Variants in HECTD2 observed in about 807,000 individuals in gnomAD.
HECTD2 encodes HECT domain E3 ubiquitin protein ligase 2, also known as probable E3 ubiquitin-protein ligase HECTD2.
In HECTD2, 35 loss-of-function variants were observed where a neutral mutation model predicts 103.2. The observed-to-expected ratio is 0.34, with a 90% CI of 0.26 to 0.45. HECTD2 has a LOEUF of 0.45. HECTD2 is among the 20% of genes least tolerant of loss of function. The pLI is 1.00. For missense variants in HECTD2, 596 were observed against 937.4 expected (o/e 0.64, Z 4.76); for synonymous variants, 281 against 329.9 (o/e 0.85, Z 1.61).
chr10:91,410,990 C>G (rs1214037191), intron 1 of HECTD2, among the ~76,000 whole-genome samples: 1 of 152,152 alleles, frequency 6.6e-6, no homozygotes, highest in Non-Finnish European at 1.5e-5. Flanking sequence ...GATTTTTGTC[C>G]TTTTCTTCGC....
At chr10:91,430,602 C>G (rs1378732947) in intron 2 of HECTD2, among the ~76,000 whole-genome samples, 3 of 152,132 alleles carry the variant, frequency 2.0e-5, no homozygotes, top group Non-Finnish European at 4.4e-5. Context: ...GTTAGCTCTT[C>G]TTGTTGAATT....
intron 5 of HECTD2, among the ~76,000 whole-genome samples, chr10:91,469,264 G>A (rs1231420107): frequency 6.6e-6 from 1 of 152,062 alleles, no homozygotes; most frequent in Non-Finnish European, 1.5e-5. Flanking sequence ...GAGAACCCCT[G>A]CAATATGCAA....
At position 91,478,275 on chromosome 10, in the gene HECTD2, TA is replaced by T; in HGVS notation, c.665+11del. 6.7e-7 allele frequency: 1 copy of T among 1,497,404 alleles called. No homozygotes were observed. The highest frequency in any genetic ancestry group is 1.4e-5 in the African/African-American group (1 of 72,894). 92.8% of individuals were successfully genotyped at this position (1,497,404 alleles called of 1,614,324 possible). ...TACGAGAATGGAAAGGGTAAACTAA[TA>T]TTTTCAATATTTAGCTAATCAGTAT... On this transcript the variant is annotated intron_variant, in intron 6 of 20. Coordinates refer to ENST00000298068, the MANE Select transcript of HECTD2 (RefSeq NM_182765.6).
upstream of HECTD2, among the ~76,000 whole-genome samples, chr10:91,409,931 C>T (rs564429716): frequency 6.6e-6 from 1 of 152,316 alleles, no homozygotes; most frequent in Non-Finnish European, 1.5e-5. Flanking sequence ...GTGCCTACGT[C>T]CTGCCCTACT....
At chr10:91,456,829 C>A (rs957321919) in intron 2 of HECTD2, among the ~76,000 whole-genome samples, 5 of 151,920 alleles carry the variant, frequency 3.3e-5, no homozygotes, top group Admixed American at 1.3e-4. Flanking sequence ...CAACCGAAAG[C>A]AAGCAGGAAG....
At chr10:91,462,554 T>A in intron 5 of HECTD2, 1 of 1,028,988 alleles carries the variant, frequency 9.7e-7, no homozygotes, top group Non-Finnish European at 1.2e-6. Context: ...AATACAGAAT[T>A]TCAGATTCAG....
chr10:91,427,469 A>T (rs921310888), intron 2 of HECTD2, among the ~76,000 whole-genome samples: 4 of 152,190 alleles, frequency 2.6e-5, no homozygotes, highest in African/African-American at 9.7e-5. Flanking sequence ...TCCCACCAAC[A>T]GTGTAAGAGT....
chr10:91,446,283 C>T (rs1256607489), intron 2 of HECTD2, among the ~76,000 whole-genome samples: 1 of 137,576 alleles, frequency 7.3e-6, no homozygotes, highest in Non-Finnish European at 1.6e-5. Context: ...TTCCTTCTAA[C>T]TGTTAGAAGG....
chr10:91,486,898 C>T (rs990653719), intron 10 of HECTD2: 1 of 152,044 alleles, frequency 6.6e-6, no homozygotes, highest in African/African-American at 2.4e-5. Context: ...TCTCAGTGGT[C>T]ACAGTTGTAC....
intron 14 of HECTD2, 86 bp from the exon 15 acceptor site, chr10:91,496,128 G>A: frequency 1.2e-6 from 1 of 813,416 alleles, no homozygotes; most frequent in Non-Finnish European, 1.9e-6. Context: ...TCTGAAAGAA[G>A]TATGCAAAAA....
At chr10:91,424,120 C>T (rs528471568) in intron 1 of HECTD2, among the ~76,000 whole-genome samples, 3 of 152,264 alleles carry the variant, frequency 2.0e-5, no homozygotes, top group South Asian at 4.1e-4. Context: ...GATGCTCTAA[C>T]ATGTCAACTC....
intron 11 of HECTD2, among the ~76,000 whole-genome samples, chr10:91,490,890 C>CAAAAAAA (rs61035151): frequency 2.2e-4 from 3 of 13,602 alleles, no homozygotes; most frequent in African/African-American, 4.5e-4. Context: ...GACTCCGTCT[C>CAAAAAAA]AAAAAAAAAA....
chr10:91,419,512 C>T (rs1008000847), intron 1 of HECTD2, among the ~76,000 whole-genome samples: 5 of 152,046 alleles, frequency 3.3e-5, no homozygotes, highest in African/African-American at 1.2e-4. Flanking sequence ...TTGAAGCCCA[C>T]ATTAGGTACT....
At chr10:91,497,355 A>G (rs535317265) in intron 15 of HECTD2, among the ~76,000 whole-genome samples, 27 of 147,030 alleles carry the variant, frequency 1.8e-4, no homozygotes, top group African/African-American at 6.3e-4. Flanking sequence ...CAGTGGAACA[A>G]TCTCAGCTCA....
chr10:91,430,428 T>G (rs12258185), intron 2 of HECTD2, among the ~76,000 whole-genome samples: 30,409 of 151,996 alleles, frequency 0.2, 7,232 homozygotes, highest in African/African-American at 0.58. Context: ...AATTCCTGGG[T>G]ATCCTTGTTA....
chr10:91,453,791 T>G lies in HECTD2; in HGVS notation c.269-6636T>G, dbSNP rs141076805. On this transcript the variant is annotated intron_variant, in intron 2 of 20. Transcript: ENST00000298068. ...CCAACTGTTTTCTATTTATAAGAAA[T>G]TTGCTTCAAATATAACAGTATAAGC... is the stretch of plus-strand genomic sequence containing the variant. 5.3e-3 allele frequency among the ~76,000 whole-genome samples: 808 copies of G among 152,130 alleles called. 24 individuals carry two copies. Among genetic ancestry groups the G allele is most frequent in the Admixed American group, 0.048 (732 of 15,262 alleles).
intron 1 of HECTD2, among the ~76,000 whole-genome samples, chr10:91,417,776 T>C (rs1165741987): frequency 2.6e-5 from 4 of 152,160 alleles, no homozygotes; most frequent in African/African-American, 4.8e-5. Context: ...TGTTGGACAT[T>C]TGGGTTGGTT....
At chr10:91,499,946 C>T (rs1200775445) in intron 18 of HECTD2, among the ~76,000 whole-genome samples, 5 of 152,174 alleles carry the variant, frequency 3.3e-5, no homozygotes, top group Admixed American at 1.3e-4. Flanking sequence ...CTTTATTGAG[C>T]TCTAGTTAAG....
chr10:91,487,752 G>C lies in HECTD2; in HGVS notation c.1165G>C (p.Glu389Gln). ...AAAAATCATTATTCAGAGAGACTCA[G>C]AGCAACAGATGATAAACATCGCAAG... ...AKKIIIQRDS[E>Q]QQMINIARQS... The change falls in exon 11 of 21, where the codon GAG becomes CAG. Residue 389 changes from glutamate (E) to glutamine (Q), a missense_variant. Physicochemically the swap from Glu to Gln is conservative, Grantham distance 29. Transcript: ENST00000298068. The surrounding 1 kb of genome is among the most constrained non-coding windows in gnomAD (Gnocchi z 4.1). 1 of 1,609,154 alleles carries C rather than the reference G, an allele frequency of 6.2e-7. No homozygotes were observed. The highest frequency in any genetic ancestry group is 8.5e-7 in the Non-Finnish European group (1 of 1,176,278).
Sources: gnomAD v4.1 joint callset for allele counts (sites outside exome capture counted in the v4.1 genomes callset) on GRCh38, gnomAD v4.1.1 for gene constraint, Gnocchi (gnomAD v3.1) non-coding constraint, MANE v1.5 for transcripts, NCBI Gene and HGNC (gene_info 2026-07-23, HGNC 2026-07-21) for gene names.